Variants in UNC5D observed in about 807,000 individuals in gnomAD.
UNC5D encodes the protein unc-5 netrin receptor D.
UNC5D carries 39 observed loss-of-function variants against 105.4 expected under a neutral mutation model. The ratio of observed to expected loss-of-function variants is 0.37; its 90% CI spans 0.29 to 0.48. The LOEUF is 0.48. Ranked by LOEUF, UNC5D falls within the 20% of genes least tolerant of loss-of-function variation. UNC5D has a pLI of 0.98. For synonymous variants in UNC5D, 452 were observed against 450.4 expected, an observed-to-expected ratio of 1.00 and a Z score of -0.04; for missense variants, 991 against 1,202.4, an observed-to-expected ratio of 0.82 and a Z score of 2.60.
chr8:35,298,589 T>TTC (rs1807681715), intron 1 of UNC5D, among the ~76,000 whole-genome samples: 1 of 148,098 alleles, frequency 6.8e-6, no homozygotes, highest in African/African-American at 2.5e-5. Flanking sequence ...GTTGTAGGTT[T>TTC]TTTTTTTTTT....
At chr8:35,736,329 C>T (rs1829466880) in intron 11 of UNC5D, among the ~76,000 whole-genome samples, 2 of 152,190 alleles carry the variant, frequency 1.3e-5, no homozygotes, top group Non-Finnish European at 2.9e-5. Flanking sequence ...CAAGATTGCA[C>T]CACTTCACTC....
At chr8:35,368,100 G>A (rs1002528023) in intron 1 of UNC5D, among the ~76,000 whole-genome samples, 5 of 152,132 alleles carry the variant, frequency 3.3e-5, no homozygotes, top group Admixed American at 1.3e-4. Context: ...ATTTCCAAAT[G>A]CCTGGCAAAA....
intron 4 of UNC5D, among the ~76,000 whole-genome samples, chr8:35,631,639 G>A (rs914747425): frequency 2.0e-5 from 3 of 152,178 alleles, no homozygotes; most frequent in Admixed American, 6.5e-5. Flanking sequence ...CAAGTAGTCC[G>A]AACAGAGTAG....
intron 1 of UNC5D, among the ~76,000 whole-genome samples, chr8:35,266,659 C>T (rs183102628): frequency 3.9e-5 from 6 of 152,282 alleles, no homozygotes; most frequent in African/African-American, 1.2e-4. Flanking sequence ...GGCTTGTCTC[C>T]GCTCCATGAA....
intron 1 of UNC5D, among the ~76,000 whole-genome samples, chr8:35,538,286 G>A (rs1814982148): frequency 6.6e-6 from 1 of 150,812 alleles, no homozygotes; most frequent in Non-Finnish European, 1.5e-5. Flanking sequence ...GAATTGAGTG[G>A]CAGTCCCTAT....
At chr8:35,347,546 G>T (rs574894141) in intron 1 of UNC5D, among the ~76,000 whole-genome samples, 3 of 151,854 alleles carry the variant, frequency 2.0e-5, no homozygotes, top group Non-Finnish European at 4.4e-5. Flanking sequence ...AACCATAATT[G>T]TCTCCCCCAG....
At chr8:35,564,956 C>G (rs146947153) in intron 2 of UNC5D, among the ~76,000 whole-genome samples, 1,625 of 152,258 alleles carry the variant, frequency 0.011, 87 homozygotes, top group Admixed American at 0.092. Flanking sequence ...GAGTGGCGCT[C>G]CATGATATGA....
chr8:35,265,255 A>G (rs1198358213), intron 1 of UNC5D, among the ~76,000 whole-genome samples: 1 of 152,214 alleles, frequency 6.6e-6, no homozygotes, highest in Non-Finnish European at 1.5e-5. Flanking sequence ...ATATGGAGCT[A>G]TAATGATTAG....
At chr8:35,780,565 T>A (rs1802458508) in intron 16 of UNC5D, among the ~76,000 whole-genome samples, 1 of 151,676 alleles carries the variant, frequency 6.6e-6, no homozygotes, top group Non-Finnish European at 1.5e-5. Flanking sequence ...TCCTTTAAAG[T>A]GAAGGAAGAA....
chr8:35,371,680 A>G (rs912642797), intron 1 of UNC5D, among the ~76,000 whole-genome samples: 1 of 152,026 alleles, frequency 6.6e-6, no homozygotes, highest in East Asian at 1.9e-4. Context: ...AAAAAAATCC[A>G]GGTCATAACT....
intron 1 of UNC5D, among the ~76,000 whole-genome samples, chr8:35,356,586 G>A (rs1306959961): frequency 6.6e-6 from 1 of 151,474 alleles, no homozygotes; most frequent in Non-Finnish European, 1.5e-5. Context: ...GATGGAAGAT[G>A]TATTCTTATC....
At chr8:35,717,478 C>A (rs1330781792) in intron 8 of UNC5D, among the ~76,000 whole-genome samples, 1 of 152,114 alleles carries the variant, frequency 6.6e-6, no homozygotes, top group Non-Finnish European at 1.5e-5. Flanking sequence ...AGCCATCCAC[C>A]TTGTTAATAC....
At chr8:35,383,028 G>T (rs760143914) in intron 1 of UNC5D, among the ~76,000 whole-genome samples, 14 of 152,176 alleles carry the variant, frequency 9.2e-5, no homozygotes, top group Admixed American at 2.6e-4. Flanking sequence ...CAAAGTACAA[G>T]AAAAGGAAGT....
intron 1 of UNC5D, among the ~76,000 whole-genome samples, chr8:35,384,068 TAGCC>T (rs1220286464): frequency 2.0e-5 from 3 of 151,824 alleles, no homozygotes; most frequent in Non-Finnish European, 4.4e-5. Flanking sequence ...ACAAAAAAAT[TAGCC>T]AGGCATGGTG....
intron 1 of UNC5D, among the ~76,000 whole-genome samples, chr8:35,367,201 A>G (rs189320320): frequency 2.0e-5 from 3 of 152,328 alleles, no homozygotes; most frequent in Admixed American, 1.3e-4. Flanking sequence ...CTAGAGCATC[A>G]TCTAGAACTA....
chr8:35,366,653 G>T (rs1355106183), intron 1 of UNC5D, among the ~76,000 whole-genome samples: 1 of 151,900 alleles, frequency 6.6e-6, no homozygotes, highest in African/African-American at 2.4e-5. Context: ...CAACCTATTT[G>T]CTAAGTGAAT....
intron 1 of UNC5D, among the ~76,000 whole-genome samples, chr8:35,469,979 G>A (rs1187168682): frequency 6.6e-6 from 1 of 152,154 alleles, no homozygotes; most frequent in Non-Finnish European, 1.5e-5. Context: ...CTCACCTTTT[G>A]AGTACAATTG....
At chr8:35,348,788 A>G (rs1811991207) in intron 1 of UNC5D, among the ~76,000 whole-genome samples, 1 of 151,862 alleles carries the variant, frequency 6.6e-6, no homozygotes, top group African/African-American at 2.4e-5. Context: ...CTAAGAATGT[A>G]CCTTTGAACC....
At chr8:35,359,816 G>A (rs1267682071) in intron 1 of UNC5D, among the ~76,000 whole-genome samples, 1 of 152,076 alleles carries the variant, frequency 6.6e-6, no homozygotes, top group Non-Finnish European at 1.5e-5. Context: ...TAACATAAAA[G>A]CCTGGAAGTT....
Sources: gnomAD v4.1 joint callset for allele counts (sites outside exome capture counted in the v4.1 genomes callset) on GRCh38, gnomAD v4.1.1 for gene constraint, MANE v1.5 for transcripts, NCBI Gene and HGNC (gene_info 2026-07-23, HGNC 2026-07-21) for gene names.